NPAS3: variants seen among roughly 807,000 people sequenced by gnomAD.
NPAS3 encodes neuronal PAS domain protein 3, also known as neuronal PAS domain-containing protein 3.
NPAS3 carries 14 observed loss-of-function variants against 73.1 expected under a neutral mutation model. That is an observed-to-expected ratio of 0.19 (90% confidence interval 0.13 to 0.30). The LOEUF is 0.30. Among genes scored for constraint, NPAS3 ranks in the 10% least tolerant of loss-of-function variants. The pLI, the probability that NPAS3 is intolerant of heterozygous loss-of-function variation, is 1.00. For synonymous variants in NPAS3, 620 were observed against 541.5 expected, an observed-to-expected ratio of 1.14 and a Z score of -2.01; for missense variants, 1,096 against 1,250.0, an observed-to-expected ratio of 0.88 and a Z score of 1.86.
chr14:33,216,380 A>C (rs2047225549), intron 3 of NPAS3, among the ~76,000 whole-genome samples: 1 of 152,178 alleles, frequency 6.6e-6, no homozygotes, highest in South Asian at 2.1e-4. Context: ...ACTAGTCGGG[A>C]GCTGTAATCT....
intron 2 of NPAS3, among the ~76,000 whole-genome samples, chr14:33,060,940 G>C (rs551738055): frequency 6.6e-6 from 1 of 152,348 alleles, no homozygotes; most frequent in South Asian, 2.1e-4. Flanking sequence ...ACTCTACTCA[G>C]TATATAGTGT....
At chr14:32,972,375 TA>T (rs1416276225) in intron 1 of NPAS3, among the ~76,000 whole-genome samples, 3 of 152,226 alleles carry the variant, frequency 2.0e-5, no homozygotes, top group Non-Finnish European at 2.9e-5. Flanking sequence ...AGATTTAGTT[TA>T]AAAAATATTG....
At chr14:33,534,209 C>G (rs532043530) in intron 4 of NPAS3, among the ~76,000 whole-genome samples, 1 of 104,656 alleles carries the variant, frequency 9.6e-6, no homozygotes, top group African/African-American at 4.0e-5. Flanking sequence ...TACTATTTCA[C>G]AGAGCAGTAA....
chr14:33,404,321 CTT>C lies in NPAS3; in HGVS notation c.468+37056_468+37057del, dbSNP rs368427192. ...AATATTTTAATGTTGAGTCATTACT[CTT>C]TTACTTTTTTGGCTTTGGAAGGAGC... is the stretch of plus-strand genomic sequence containing the variant. On this transcript the variant is annotated intron_variant, in intron 4 of 11. Transcript: ENST00000356141. 1.7e-3 allele frequency among the ~76,000 whole-genome samples: 265 copies of C among 152,154 alleles called. 1 individual carries two copies. Among genetic ancestry groups the C allele is most frequent in the African/African-American group, 6.2e-3 (257 of 41,534 alleles).
chr14:33,487,426 C>T (rs1219908276), intron 4 of NPAS3, among the ~76,000 whole-genome samples: 1 of 152,106 alleles, frequency 6.6e-6, no homozygotes, highest in Non-Finnish European at 1.5e-5. Context: ...TCAGTTTAAT[C>T]CCAAATGGAG....
intron 3 of NPAS3, among the ~76,000 whole-genome samples, chr14:33,345,368 TA>T (rs2044678430): frequency 6.6e-6 from 1 of 152,206 alleles, no homozygotes; most frequent in Non-Finnish European, 1.5e-5. Context: ...AGATGTGATT[TA>T]AAAATAAATG....
chr14:33,543,128 C>T (rs2054596646), intron 4 of NPAS3, among the ~76,000 whole-genome samples: 3 of 152,148 alleles, frequency 2.0e-5, no homozygotes, highest in Admixed American at 2.0e-4. Context: ...GCCAAGTGTT[C>T]ATTTCCTCCT....
intron 1 of NPAS3, among the ~76,000 whole-genome samples, chr14:32,991,239 C>T (rs72676718): frequency 0.53 from 80,701 of 151,616 alleles, 24,648 homozygotes; most frequent in Non-Finnish European, 0.69. Flanking sequence ...GAAAGCCTTT[C>T]TAGGTGTTGG....
At chr14:33,774,672 A>T (rs2062757696) in intron 8 of NPAS3, 142 bp downstream of exon 8, 2 of 637,788 alleles carry the variant, frequency 3.1e-6, no homozygotes, top group Non-Finnish European at 5.4e-6. Flanking sequence ...TTGGACTGAC[A>T]CCAAACATGC....
At chr14:33,561,458 G>C (rs1245528845) in intron 5 of NPAS3, among the ~76,000 whole-genome samples, 1 of 152,230 alleles carries the variant, frequency 6.6e-6, no homozygotes, top group Admixed American at 6.5e-5. Flanking sequence ...CTCAGCTATA[G>C]TGTGTGGAGT....
intron 6 of NPAS3, among the ~76,000 whole-genome samples, chr14:33,694,742 C>G (rs538817893): frequency 6.6e-6 from 1 of 152,250 alleles, no homozygotes; most frequent in Non-Finnish European, 1.5e-5. Flanking sequence ...TTGATTTATC[C>G]AATTTCCTTA....
In NPAS3 at chr14:33,676,179, C is replaced by T. The variant is rs754237037; in HGVS notation, c.559-32C>T. On this transcript the variant is annotated intron_variant, in intron 5 of 11. Transcript: ENST00000356141. The stretch of plus-strand genomic sequence containing the variant: ...GAAAATGGAGAAGCCTATATAATGT[C>T]TTTCCTTCCCACCCTTTCTCTCGCC... The T allele has an allele frequency of 6.8e-6, 11 of 1,610,142 alleles. No homozygotes were observed. In the African/African-American group the frequency reaches 1.5e-4, roughly 22 times the overall value.
At chr14:33,315,752 G>A (rs2043185748) in intron 3 of NPAS3, among the ~76,000 whole-genome samples, 2 of 151,974 alleles carry the variant, frequency 1.3e-5, no homozygotes, top group African/African-American at 2.4e-5. Flanking sequence ...GAAAAGCTAT[G>A]GGGGTAAGGT....
At position 32,989,335 on chromosome 14, in the gene NPAS3, A is replaced by G. The variant is rs183759825; in HGVS notation, c.50+49969A>G. ...ATACAGGAAATGAGGTTGAAAAGCT[A>G]TATTTTGAGAAGTTATTAAAAGTTT... On this transcript the variant is annotated intron_variant, in intron 1 of 11. Coordinates refer to ENST00000356141, the Ensembl canonical transcript of NPAS3. 2.0e-3 allele frequency among the ~76,000 whole-genome samples: 301 copies of G among 152,326 alleles called. 1 individual carries two copies. The highest frequency in any genetic ancestry group is 0.014 in the South Asian group (69 of 4,826).
intron 4 of NPAS3, among the ~76,000 whole-genome samples, chr14:33,552,595 C>T (rs1171688365): frequency 6.6e-6 from 1 of 151,034 alleles, no homozygotes. Context: ...ATAATGAAGA[C>T]CACTTCCTAC....
chr14:33,797,419 G>C, intron 10 of NPAS3, 38 bp from the exon 11 acceptor site: 1 of 1,606,798 alleles, frequency 6.2e-7, no homozygotes, highest in Non-Finnish European at 8.5e-7. Flanking sequence ...CATGCAGAAT[G>C]GGTGTCTGCA....
At chr14:33,541,903 C>A (rs143263548) in intron 4 of NPAS3, among the ~76,000 whole-genome samples, 8 of 152,134 alleles carry the variant, frequency 5.3e-5, no homozygotes, top group Non-Finnish European at 1.2e-4. Flanking sequence ...ATTGGTTTAG[C>A]TTTTTCCCTC....
chr14:33,300,191 G>A (rs1297648254), intron 3 of NPAS3, among the ~76,000 whole-genome samples: 1 of 152,164 alleles, frequency 6.6e-6, no homozygotes, highest in Non-Finnish European at 1.5e-5. Flanking sequence ...ATGTTGGCTT[G>A]ATTTGGGTAG....
chr14:33,542,495 C>G (rs1331544243), intron 4 of NPAS3, among the ~76,000 whole-genome samples: 27 of 152,278 alleles, frequency 1.8e-4, no homozygotes, highest in Admixed American at 1.8e-3. Context: ...GCAGTCCTTT[C>G]AGCCGTTTCC....
Sources: allele counts gnomAD v4.1 joint callset (sites outside exome capture counted in the v4.1 genomes callset), GRCh38; gene constraint gnomAD v4.1.1; transcripts MANE v1.5; gene names NCBI Gene and HGNC (gene_info 2026-07-23, HGNC 2026-07-21).